Variants in WNK4 observed in about 807,000 individuals in gnomAD.
WNK4 encodes the protein WNK lysine deficient protein kinase 4.
In WNK4, 94 loss-of-function variants were observed where a neutral mutation model predicts 116.2. The ratio of observed to expected loss-of-function variants is 0.81; its 90% CI spans 0.68 to 0.96. The LOEUF is 0.96. WNK4 is among the 40% of genes least tolerant of loss of function. WNK4 has a pLI of 0.00. For missense variants in WNK4, 1,542 were observed against 1,650.6 expected, an observed-to-expected ratio of 0.93 and a Z score of 1.14; for synonymous variants, 655 against 672.7, an observed-to-expected ratio of 0.97 and a Z score of 0.41.
intron 11 of WNK4, among the ~76,000 whole-genome samples, chr17:42,793,241 C>T (rs969922151): frequency 1.3e-5 from 2 of 152,112 alleles, no homozygotes; most frequent in Non-Finnish European, 2.9e-5. Flanking sequence ...TTTTTTGAGA[C>T]GGAGTCTCGC....
rs2054530937 is a variant in WNK4 at position 42,785,144 on chromosome 17, G to A, written c.1218G>A (p.Lys406=). 1 of 1,614,042 alleles carries A rather than the reference G, an allele frequency of 6.2e-7. No individual in the cohort carries two copies. Among genetic ancestry groups the A allele is most frequent in the South Asian group, 1.1e-5 (1 of 91,008 alleles). The change falls in exon 5 of 19, where the codon AAG becomes AAA. Residue 406 remains lysine (K), a synonymous_variant. Transcript: ENST00000246914. ...ACAAGGTGAAGATACCCGAGGTGAA[G>A]GAGATCATTGAAGGCTGCATCCGCA... ...SFHKVKIPEV[K]EIIEGCIRTD...
rs1258570155 is a variant in WNK4, at chr17:42,784,932, G to GC, written c.1171-165_1171-164insC. Among the ~76,000 whole-genome samples the GC allele has an allele frequency of 4.0e-5, 6 of 150,392 alleles. No individual in the cohort carries two copies. The highest frequency in any genetic ancestry group is 1.5e-4 in the African/African-American group (6 of 40,458). ...AGATCACACTGTAAATACTTGGGGG[G>GC]GGGGCGGGGATTAGGATTTGAAATC... is the stretch of plus-strand genomic sequence containing the variant. On this transcript the variant is annotated intron_variant, in intron 4 of 18. Coordinates refer to ENST00000246914, the MANE Select transcript of WNK4 (RefSeq NM_032387.5). This position sits in a 1 kb window ranked among gnomAD's most constrained non-coding sequence, Gnocchi z 4.4.
rs757703829 is a variant in WNK4 at position 42,784,421 on chromosome 17, G to A, written c.1013-1G>A. On this transcript the variant is annotated splice_acceptor_variant, in intron 3 of 18. Coordinates refer to ENST00000246914, the MANE Select transcript of WNK4 (RefSeq NM_032387.5). LOFTEE classifies it high-confidence loss of function. The surrounding 1 kb of genome is among the most constrained non-coding windows in gnomAD (Gnocchi z 4.4). The stretch of plus-strand genomic sequence containing the variant: ...TCTGATCCCTGCTGTGGACCCTACA[G>A]GGACCCCGGAATTCATGGCCCCCGA... 5 of 1,613,366 alleles carry A rather than the reference G, an allele frequency of 3.1e-6. No individual in the cohort carries two copies. Among genetic ancestry groups the A allele is most frequent in the Non-Finnish European group, 4.2e-6 (5 of 1,179,738 alleles).
rs1420696787 is a variant in WNK4, at chr17:42,795,103, C to T, written c.2682C>T (p.Pro894=). ...LPTTSPPTFS[P]TCSQVTLSSP... ...CGACTTCTCCACCTACGTTCTCTCC[C>T]ACTTGTTCTCAGGTCACTCTTAGTT... is the stretch of plus-strand genomic sequence containing the variant. Residue 894 remains proline, a synonymous_variant, in exon 14 of 19, where the codon CCC becomes CCT. Transcript: ENST00000246914. 2.5e-6 allele frequency: 4 copies of T among 1,614,118 alleles called. No homozygotes were observed. The highest frequency in any genetic ancestry group is 3.4e-6 in the Non-Finnish European group (4 of 1,180,024).
rs768020150 is a variant in WNK4 at position 42,787,845 on chromosome 17, G to C, written c.1809G>C (p.Gln603His). Residue 603 changes from glutamine to histidine, a missense_variant, in exon 8 of 19, where the codon CAG becomes CAC. By Grantham distance (24) the Gln-to-His change is conservative (BLOSUM62 0). Coordinates refer to ENST00000246914, the MANE Select transcript of WNK4 (RefSeq NM_032387.5). ...TGGATGCCTCAGACCCTGCCCTTCA[G>C]CCCCCTGGGGGGGTGCCATCCAGCC... ...GFLDASDPAL[Q>H]PPGGVPSSLA... The C allele has an allele frequency of 1.3e-5, 21 of 1,612,008 alleles. No homozygotes were observed. Among genetic ancestry groups the C allele is most frequent in the Non-Finnish European group, 1.8e-5 (21 of 1,179,998 alleles).
chr17:42,795,636 C>T lies in WNK4; in HGVS notation c.3034C>T (p.Gln1012Ter), dbSNP rs749399538. The change falls in exon 16 of 19, where the codon CAG becomes TAG. Residue 1012 changes from glutamine to a stop codon, truncating the protein, a stop_gained. Transcript: ENST00000246914. LOFTEE classifies it high-confidence loss of function. ...TCGTCGCCCTACAGAGGGAAAGCCG[C>T]AGCTTGTTGGGCGTTTCCAAGTGAC... ...LAPISEEGKP[Q>*]LVGRFQVTSS... 6.2e-7 allele frequency: 1 copy of T among 1,613,790 alleles called. No homozygotes were observed. Among genetic ancestry groups the T allele is most frequent in the Non-Finnish European group, 8.5e-7 (1 of 1,180,042 alleles).
At chr17:42,787,713 G>T in intron 7 of WNK4, 65 bp from the exon 8 acceptor site, 1 of 1,603,190 alleles carries the variant, frequency 6.2e-7, no homozygotes, top group Non-Finnish European at 8.5e-7. Context: ...GCTTAGGCAG[G>T]CCCCATCCTC....
At chr17:42,788,884 TC>T in intron 11 of WNK4, 87 bp downstream of exon 11, 1 of 1,062,014 alleles carries the variant, frequency 9.4e-7, no homozygotes, top group Non-Finnish European at 1.5e-6. Context: ...AACCCACTGA[TC>T]CGACAGCAAG....
At chr17:42,794,055 C>T (rs1421651903) in intron 12 of WNK4, 12 of 351,030 alleles carry the variant, frequency 3.4e-5, no homozygotes, top group Non-Finnish European at 4.9e-5. Flanking sequence ...AGGGTTTCAC[C>T]GTGTTAGCCA....
At chr17:42,790,824 G>A (rs1247103140) in intron 11 of WNK4, among the ~76,000 whole-genome samples, 1 of 152,020 alleles carries the variant, frequency 6.6e-6, no homozygotes, top group African/African-American at 2.4e-5. Context: ...GGGTGAAGGA[G>A]GGAAAGGAAT....
At position 42,788,126 on chromosome 17, in the gene WNK4, T is replaced by A; in HGVS notation, c.1864-4T>A. 6.2e-7 allele frequency: 1 copy of A among 1,614,210 alleles called. No homozygotes were observed. The highest frequency in any genetic ancestry group is 8.5e-7 in the Non-Finnish European group (1 of 1,180,044). ...TGACCTCATGAACCCTTATCCTGTT[T>A]CAGGCTTTTGCCCTATCCATTCCAC... On this transcript the variant is annotated splice_region_variant and splice_polypyrimidine_tract_variant and intron_variant, in intron 8 of 18. Transcript: ENST00000246914.
intron 11 of WNK4, among the ~76,000 whole-genome samples, chr17:42,790,449 A>G (rs2054596894): frequency 6.6e-6 from 1 of 152,138 alleles, no homozygotes; most frequent in Non-Finnish European, 1.5e-5. Flanking sequence ...GGGACAGCCA[A>G]GACAAGACCC....
At position 42,788,347 on chromosome 17, in the gene WNK4, GAGGAGA is replaced by G; in HGVS notation, c.1981_1986del (p.Arg661_Arg662del). 6.2e-7 allele frequency: 1 copy of G among 1,613,874 alleles called. No individual in the cohort carries two copies. Among genetic ancestry groups the G allele is most frequent in the Non-Finnish European group, 8.5e-7 (1 of 1,180,028 alleles). ...ATGTGGGAGAAGGGATGGGACAAAT[GAGGAGA>G]CCCCCAGGGAGGAATCTCCGGCGCA... On this transcript the variant is annotated inframe_deletion, in exon 10 of 19. Transcript: ENST00000246914.
At chr17:42,783,192 C>G (rs1405713089) in intron 2 of WNK4, among the ~76,000 whole-genome samples, 1 of 152,154 alleles carries the variant, frequency 6.6e-6, no homozygotes, top group African/African-American at 2.4e-5. Flanking sequence ...TCCTTAACCT[C>G]TCCCCACCTG....
chr17:42,785,288 GC>G lies in WNK4; in HGVS notation c.1285del (p.His429ThrfsTer14). 6.2e-7 allele frequency: 1 copy of G among 1,611,308 alleles called. No homozygotes were observed. The highest frequency in any genetic ancestry group is 8.5e-7 in the Non-Finnish European group (1 of 1,178,924). On this transcript the variant is annotated frameshift_variant, in exon 6 of 19. Transcript: ENST00000246914. LOFTEE classifies it high-confidence loss of function. ...CAGGTTCACCATCCAGGACCTCCTG[GC>G]CCACGCCTTCTTCCGCGAGGAGCGC... ...NERFTIQDLL[A>X]HAFFREERGV...
Position 42,785,346 on chromosome 17 carries a change from AC to A in WNK4, c.1341del (p.Asp447GlufsTer214). 1 of 1,611,000 alleles carries A rather than the reference AC, an allele frequency of 6.2e-7. No individual in the cohort carries two copies. ...CACGTGGAACTAGCGGAGGAGGACGACGGCGAGAAGCCGGGCCTCAAGCTCT... is the reference window on the plus strand; with the variant it reads ...CACGTGGAACTAGCGGAGGAGGACGAGGCGAGAAGCCGGGCCTCAAGCTCT... ...GVHVELAEED[D>X]GEKPGLKLWL... On this transcript the variant is annotated frameshift_variant, in exon 6 of 19. Coordinates refer to ENST00000246914, the MANE Select transcript of WNK4 (RefSeq NM_032387.5). LOFTEE classifies it high-confidence loss of function.
At position 42,783,987 on chromosome 17, in the gene WNK4, G is replaced by A. The variant is rs1259614157; in HGVS notation, c.842G>A (p.Ser281Asn). 1 of 1,613,940 alleles carries A rather than the reference G, an allele frequency of 6.2e-7. No homozygotes were observed. Among genetic ancestry groups the A allele is most frequent in the East Asian group, 2.2e-5 (1 of 44,892 alleles). ...EMKPRVLQRWSRQILRGLHFL... is the reference protein window; with the variant it reads ...EMKPRVLQRWNRQILRGLHFL... ...AAGCCGCGGGTCCTTCAGCGCTGGA[G>A]CCGCCAAATCCTGCGGGGACTTCAT... The change falls in exon 3 of 19, where the codon AGC becomes AAC. Residue 281 changes from serine (S) to asparagine (N), a missense_variant. This residue lies in a region of WNK4 where 808 missense variants were observed against 873.6 expected (regional missense o/e 0.92). Transcript: ENST00000246914.
In WNK4 at chr17:42,787,283, T is replaced by C. The variant is rs1434678379; in HGVS notation, c.1482T>C (p.Ala494=). The change falls in exon 7 of 19, where the codon GCT becomes GCC. Residue 494 remains alanine (A), a synonymous_variant. Coordinates refer to ENST00000246914, the MANE Select transcript of WNK4 (RefSeq NM_032387.5). Reference sequence around the variant, plus strand: ...ATCCCCCACCCCAATTCCAGGTGGCTCTGGGCTTGGTCTGTGAAGCCGATT... The same window carrying C: ...ATCCCCCACCCCAATTCCAGGTGGCCCTGGGCTTGGTCTGTGAAGCCGATT... ...AAEEVAQEMV[A]LGLVCEADYQ... The C allele has an allele frequency of 2.5e-6, 4 of 1,613,840 alleles. No homozygotes were observed. In the East Asian group the frequency reaches 8.9e-5, roughly 36 times the overall value.
intron 11 of WNK4, among the ~76,000 whole-genome samples, chr17:42,792,457 C>T (rs2054615955): frequency 6.6e-6 from 1 of 152,200 alleles, no homozygotes; most frequent in Admixed American, 6.5e-5. Flanking sequence ...TAAGTATATT[C>T]ACATTGCTGT....
Sources: allele counts gnomAD v4.1 joint callset (sites outside exome capture counted in the v4.1 genomes callset), GRCh38; gene constraint gnomAD v4.1.1; regional missense constraint gnomAD v4.1.1; non-coding constraint Gnocchi (gnomAD v3.1); transcripts MANE v1.5; gene names NCBI Gene and HGNC (gene_info 2026-07-23, HGNC 2026-07-21).